GPM6A: variants seen among roughly 807,000 people sequenced by gnomAD.
GPM6A encodes neuronal membrane glycoprotein M6-a.
GPM6A carries 7 observed loss-of-function variants against 32.1 expected under a neutral mutation model. The ratio of observed to expected loss-of-function variants is 0.22; its 90% CI spans 0.12 to 0.41. The LOEUF (loss-of-function observed/expected upper bound fraction) is 0.41, where lower values mean the gene tolerates loss of function less well. Among genes scored for constraint, GPM6A ranks in the 10% least tolerant of loss-of-function variants. The pLI is 1.00. For missense variants in GPM6A, 235 were observed against 347.2 expected (o/e 0.68, Z 2.57); for synonymous variants, 130 against 123.4 (o/e 1.05, Z -0.35).
At chr4:175,734,176 A>C (rs1186656864) in intron 1 of GPM6A, among the ~76,000 whole-genome samples, 1 of 150,552 alleles carries the variant, frequency 6.6e-6, no homozygotes, top group Non-Finnish European at 1.5e-5. Context: ...TAATTTCAAC[A>C]TCTGATTGCC....
At chr4:175,954,130 C>G (rs1176883464) in intron 1 of GPM6A, among the ~76,000 whole-genome samples, 1 of 152,124 alleles carries the variant, frequency 6.6e-6, no homozygotes, top group Non-Finnish European at 1.5e-5. Flanking sequence ...GCTGAGCTGT[C>G]TGAGAAGGTA....
chr4:175,724,149 T>C (rs2111123204), intron 1 of GPM6A, among the ~76,000 whole-genome samples: 1 of 152,294 alleles, frequency 6.6e-6, no homozygotes, highest in Admixed American at 6.5e-5. Flanking sequence ...ATTCTGTCAT[T>C]TGCAACGACA....
intron 3 of GPM6A, among the ~76,000 whole-genome samples, chr4:175,660,254 C>T (rs373825281): frequency 1.2e-4 from 18 of 151,862 alleles, no homozygotes; most frequent in Admixed American, 2.6e-4. Context: ...AAAAATTAGC[C>T]GGGCATGTAA....
chr4:175,720,719 C>T (rs1340679322), intron 1 of GPM6A, among the ~76,000 whole-genome samples: 1 of 152,040 alleles, frequency 6.6e-6, no homozygotes, highest in African/African-American at 2.4e-5. Context: ...AAGGATAAGT[C>T]AAGTTCACCC....
At chr4:175,919,886 T>C (rs1029395678) in intron 1 of GPM6A, among the ~76,000 whole-genome samples, 1 of 152,208 alleles carries the variant, frequency 6.6e-6, no homozygotes, top group Non-Finnish European at 1.5e-5. Flanking sequence ...AATTTCCTCA[T>C]GTGTTTCAGA....
At chr4:175,950,744 G>A (rs1400389846) in intron 1 of GPM6A, among the ~76,000 whole-genome samples, 1 of 152,166 alleles carries the variant, frequency 6.6e-6, no homozygotes, top group Non-Finnish European at 1.5e-5. Flanking sequence ...TTTCATGAAA[G>A]TATTTTTAAA....
At chr4:175,760,335 T>C (rs1732689740) in intron 1 of GPM6A, among the ~76,000 whole-genome samples, 1 of 152,132 alleles carries the variant, frequency 6.6e-6, no homozygotes, top group African/African-American at 2.4e-5. Flanking sequence ...AAATAAATAT[T>C]TGTGAAATTC....
chr4:175,812,338 T>TTTTTA, upstream of GPM6A: 5 of 1,328,590 alleles, frequency 3.8e-6, no homozygotes, highest in Non-Finnish European at 4.9e-6. Context: ...TTTTTTTTTT[T>TTTTTA]TTCCTGGGAA....
intron 1 of GPM6A, among the ~76,000 whole-genome samples, chr4:175,761,816 TTGAG>T (rs1266873560): frequency 2.7e-5 from 4 of 150,814 alleles, no homozygotes; most frequent in African/African-American, 9.8e-5. Context: ...TTTTTTGAGA[TTGAG>T]TTTCACTCTT....
intron 2 of GPM6A, among the ~76,000 whole-genome samples, 193 bp downstream of exon 2, chr4:175,701,382 A>G (rs1330399319): frequency 1.3e-5 from 2 of 152,178 alleles, no homozygotes. Context: ...TCGGCCTCTG[A>G]TCCTGTGCTA....
chr4:175,771,297 G>A (rs1733177258), intron 1 of GPM6A, among the ~76,000 whole-genome samples: 1 of 152,068 alleles, frequency 6.6e-6, no homozygotes, highest in African/African-American at 2.4e-5. Context: ...TCATGGCCAG[G>A]CGCGGTGGCT....
At chr4:175,663,755 G>A (rs936591474) in intron 3 of GPM6A, among the ~76,000 whole-genome samples, 8 of 149,578 alleles carry the variant, frequency 5.3e-5, no homozygotes, top group East Asian at 2.0e-4. Flanking sequence ...GTGCAGTGGC[G>A]CAGTCTCGGC....
At chr4:175,637,697 ATT>A (rs1491438021) in intron 6 of GPM6A, among the ~76,000 whole-genome samples, 1 of 1,872 alleles carries the variant, frequency 5.3e-4, no homozygotes, top group South Asian at 9.8e-3. Context: ...TATATAATAT[ATT>A]ATATATTATA....
intron 1 of GPM6A, among the ~76,000 whole-genome samples, chr4:175,820,207 C>T (rs1180810788): frequency 6.6e-6 from 1 of 152,042 alleles, no homozygotes; most frequent in African/African-American, 2.4e-5. Flanking sequence ...TTCTTATTTT[C>T]TTTTTTTAAA....
At chr4:175,657,484 T>C (rs1742144445) in intron 3 of GPM6A, among the ~76,000 whole-genome samples, 1 of 152,162 alleles carries the variant, frequency 6.6e-6, no homozygotes, top group African/African-American at 2.4e-5. Flanking sequence ...AAAGGAGATC[T>C]CAGGAGTACA....
At chr4:175,964,001 G>A (rs1740253103) in intron 1 of GPM6A, among the ~76,000 whole-genome samples, 1 of 150,806 alleles carries the variant, frequency 6.6e-6, no homozygotes, top group Admixed American at 6.6e-5. Context: ...CTCAGAAAAA[G>A]TTTTAAAAAT....
At chr4:175,775,375 A>T (rs935368721) in intron 1 of GPM6A, among the ~76,000 whole-genome samples, 1 of 152,130 alleles carries the variant, frequency 6.6e-6, no homozygotes, top group Non-Finnish European at 1.5e-5. Flanking sequence ...TGAAGATATA[A>T]AAAGAACGTT....
At chr4:175,670,072 G>T (rs1342169361) in intron 3 of GPM6A, among the ~76,000 whole-genome samples, 1 of 151,918 alleles carries the variant, frequency 6.6e-6, no homozygotes, top group Admixed American at 6.6e-5. Context: ...GTGAGACAAT[G>T]AATTTCTGTT....
intron 1 of GPM6A, among the ~76,000 whole-genome samples, chr4:175,936,048 G>A (rs1182136215): frequency 1.3e-5 from 2 of 151,618 alleles, no homozygotes; most frequent in Admixed American, 6.6e-5. Flanking sequence ...GCTCACGCCT[G>A]TAATCCCAGC....
Sources: gnomAD v4.1 joint callset for allele counts (sites outside exome capture counted in the v4.1 genomes callset) on GRCh38, gnomAD v4.1.1 for gene constraint, MANE v1.5 for transcripts, NCBI Gene and HGNC (gene_info 2026-07-23, HGNC 2026-07-21) for gene names.